The following ZZEF1 variants were observed in gnomAD, a reference collection of about 807,000 sequenced individuals.
ZZEF1 encodes the protein zinc finger ZZ-type and EF-hand domain containing 1.
ZZEF1 carries 157 observed loss-of-function variants against 342.8 expected under a neutral mutation model. The ratio of observed to expected loss-of-function variants is 0.46; its 90% CI spans 0.40 to 0.52. The LOEUF (loss-of-function observed/expected upper bound fraction) is 0.52. ZZEF1 is among the 20% of genes least tolerant of loss of function. The probability of loss-of-function intolerance (pLI) is 0.00; values close to 1 mark genes in which losing one functional copy is unlikely to be tolerated. For synonymous variants in ZZEF1, 1,505 were observed against 1,429.1 expected (o/e 1.05, Z -1.20); for missense variants, 3,480 against 3,725.6 (o/e 0.93, Z 1.72).
rs777200752 is a variant in ZZEF1, at chr17:4,062,799, T to C, written c.4837A>G (p.Ile1613Val). 1.2e-6 allele frequency: 2 copies of C among 1,612,582 alleles called. No individual in the cohort carries two copies. The highest frequency in any genetic ancestry group is 8.5e-7 in the Non-Finnish European group (1 of 1,179,338). ...GQPHCFHPPF[I>V]LFLLELLTCQ... ...GTCAGAAGTTCCAACAGGAAAAGTATGAAAGGTGGATGGAAGCAGTGGGGC... is the reference window on the plus strand; with the variant it reads ...GTCAGAAGTTCCAACAGGAAAAGTACGAAAGGTGGATGGAAGCAGTGGGGC... The change falls in exon 30 of 55, where the codon ATA (isoleucine) becomes GTA (valine). Residue 1613 changes from isoleucine to valine, a missense_variant. Transcript: ENST00000381638.
At chr17:4,025,197 A>C in intron 42 of ZZEF1, 79 bp from the exon 43 acceptor site, 1 of 1,341,500 alleles carries the variant, frequency 7.5e-7, no homozygotes, top group Non-Finnish European at 1.0e-6. Flanking sequence ...TTCTATAGTA[A>C]CATGCCTTAC....
rs375863566 is a variant in ZZEF1 at position 4,019,653 on chromosome 17, C to A, written c.7505+16G>T. On this transcript the variant is annotated intron_variant, in intron 46 of 54. Coordinates refer to ENST00000381638, the MANE Select transcript of ZZEF1 (RefSeq NM_015113.4). ...TCTCCCTGGCCACACTTCAGCTGCA[C>A]GGAAATGTCCCTTACCTCTTCTGAA... The A allele has an allele frequency of 1.2e-6, 2 of 1,606,874 alleles. No individual in the cohort carries two copies. Among genetic ancestry groups the A allele is most frequent in the East Asian group, 2.2e-5 (1 of 44,502 alleles).
In ZZEF1 at chr17:4,032,865, T is replaced by C. The variant is rs1180069307; in HGVS notation, c.6722A>G (p.Asn2241Ser). The change falls in exon 41 of 55, where the codon AAC (asparagine) becomes AGC (serine). Residue 2241 changes from asparagine (N) to serine (S), a missense_variant. Transcript: ENST00000381638. ...KQLPFQLKHT[N>S]IFTLLVLVGF... ...AACCAGCACGAGCAGGGTGAAGATG[T>C]TGGTGTGCTTCAGCTGGAATGGCAG... 5 of 1,614,144 alleles carry C rather than the reference T, an allele frequency of 3.1e-6. No homozygotes were observed. The highest frequency in any genetic ancestry group is 2.2e-5 in the South Asian group (2 of 91,084).
In ZZEF1 at chr17:4,075,151, A is replaced by T; in HGVS notation, c.3429T>A (p.Ala1143=). 1.5e-5 allele frequency: 24 copies of T among 1,614,216 alleles called. No homozygotes were observed. The highest frequency in any genetic ancestry group is 2.0e-5 in the Non-Finnish European group (24 of 1,180,024). The change falls in exon 23 of 55, where the codon GCT becomes GCA. Residue 1143 remains alanine (A), a synonymous_variant. Transcript: ENST00000381638. ...KRYDYLEFTD[A]RGRKTRYDTK... is the part of the protein sequence containing the mutation. ...TGTCATAGCGTGTTTTCCGACCTCTAGCGTCGGTAAATTCCAGATAATCAT... is the reference window on the plus strand; with the variant it reads ...TGTCATAGCGTGTTTTCCGACCTCTTGCGTCGGTAAATTCCAGATAATCAT...
intron 9 of ZZEF1, among the ~76,000 whole-genome samples, chr17:4,098,504 T>C (rs937912468): frequency 3.9e-5 from 6 of 152,358 alleles, no homozygotes; most frequent in Non-Finnish European, 7.3e-5. Context: ...ACTATTTTCC[T>C]TTTTTGATTG....
chr17:4,072,002 G>A (rs768308145), intron 25 of ZZEF1, among the ~76,000 whole-genome samples: 1 of 152,148 alleles, frequency 6.6e-6, no homozygotes, highest in Admixed American at 6.5e-5. Flanking sequence ...GCAGTCAGAT[G>A]TAAGAGAAGA....
chr17:4,009,839 C>A, intron 52 of ZZEF1, 82 bp from the exon 53 acceptor site: 1 of 1,487,586 alleles, frequency 6.7e-7, no homozygotes, highest in Non-Finnish European at 9.1e-7. Flanking sequence ...GGAACCACAG[C>A]TCAGACCCTC....
At chr17:4,024,728 G>A (rs1182869126) in intron 43 of ZZEF1, among the ~76,000 whole-genome samples, 191 bp downstream of exon 43, 1 of 152,216 alleles carries the variant, frequency 6.6e-6, no homozygotes, top group East Asian at 1.9e-4. Flanking sequence ...TGGAAAGACA[G>A]AGAAGCCATC....
intron 11 of ZZEF1, among the ~76,000 whole-genome samples, chr17:4,092,835 A>G (rs1390384502): frequency 6.6e-6 from 1 of 152,144 alleles, no homozygotes; most frequent in Non-Finnish European, 1.5e-5. Context: ...CTTGTTCCCT[A>G]CACTGCACTA....
intron 46 of ZZEF1, among the ~76,000 whole-genome samples, 160 bp from the exon 47 acceptor site, chr17:4,018,131 T>G (rs1597761391): frequency 6.6e-6 from 1 of 152,316 alleles, no homozygotes; most frequent in East Asian, 1.9e-4. Flanking sequence ...CAGCCTTCAC[T>G]TATGCATGGA....
chr17:4,072,566 C>T (rs1416914352), intron 25 of ZZEF1, 42 bp downstream of exon 25: 13 of 1,565,746 alleles, frequency 8.3e-6, no homozygotes, highest in African/African-American at 1.4e-5. Context: ...TACTTGCAGG[C>T]AGTTTCCAGT....
intron 22 of ZZEF1, 42 bp downstream of exon 22, chr17:4,075,221 G>A (rs1419104113): frequency 1.2e-6 from 2 of 1,613,486 alleles, no homozygotes; most frequent in Non-Finnish European, 1.7e-6. Context: ...TCTCATTGCT[G>A]ACCTATTAGC....
intron 5 of ZZEF1, among the ~76,000 whole-genome samples, chr17:4,111,295 T>A (rs550941137): frequency 6.6e-6 from 1 of 152,180 alleles, no homozygotes; most frequent in East Asian, 1.9e-4. Context: ...ATAGTAACAA[T>A]CCCTGGGTAG....
chr17:4,109,878 CA>C lies in ZZEF1; in HGVS notation c.1067-16del. 1.2e-6 allele frequency: 2 copies of C among 1,613,374 alleles called. No individual in the cohort carries two copies. The highest frequency in any genetic ancestry group is 1.7e-6 in the Non-Finnish European group (2 of 1,179,770). On this transcript the variant is annotated splice_polypyrimidine_tract_variant and intron_variant, in intron 5 of 54. Coordinates refer to ENST00000381638, the MANE Select transcript of ZZEF1 (RefSeq NM_015113.4). ...AATCTGGACATCTGTCGAGCACAAACAAAAAATTCAGTATTGGATTAACTTC... is the reference window on the plus strand; with the variant it reads ...AATCTGGACATCTGTCGAGCACAAACAAAAATTCAGTATTGGATTAACTTC...
At chr17:4,079,839 G>T (rs773602265) in intron 18 of ZZEF1, among the ~76,000 whole-genome samples, 1 of 152,220 alleles carries the variant, frequency 6.6e-6, no homozygotes, top group South Asian at 2.1e-4. Context: ...TAAGGCACCC[G>T]CAAAAATGTA....
chr17:4,045,755 C>T (rs1301577500), intron 37 of ZZEF1, among the ~76,000 whole-genome samples: 1 of 152,140 alleles, frequency 6.6e-6, no homozygotes, highest in Non-Finnish European at 1.5e-5. Context: ...CTAAACCTAA[C>T]TAATCACACC....
rs1258791192 is a variant in ZZEF1, at chr17:4,134,332, ATATATATATT to A, written c.354+8200_354+8209del. On this transcript the variant is annotated intron_variant, in intron 1 of 54. Coordinates refer to ENST00000381638, the MANE Select transcript of ZZEF1 (RefSeq NM_015113.4). ...AGACCCTGTCTCAAAAAGAAAAAAT[ATATATATATT>A]TATATATATTTATATATATATATTT... Among the ~76,000 whole-genome samples the A allele has an allele frequency of 2.0e-3, 295 of 143,908 alleles. 1 individual carries two copies. The East Asian group carries it at 0.031, about 15-fold the overall frequency. 94.4% of individuals were successfully genotyped at this position (143,908 alleles called of 152,430 possible).
intron 6 of ZZEF1, 96 bp from the exon 7 acceptor site, chr17:4,105,905 T>C (rs2058204715): frequency 2.1e-6 from 2 of 934,876 alleles, no homozygotes; most frequent in Non-Finnish European, 1.6e-6. Context: ...TAATCCCTTA[T>C]AAACAGACAG....
chr17:4,090,898 A>G (rs1285392110), intron 11 of ZZEF1, 68 bp from the exon 12 acceptor site: 11 of 1,196,104 alleles, frequency 9.2e-6, no homozygotes, highest in South Asian at 3.7e-5. Flanking sequence ...CAAATAAGGT[A>G]TCATCTAAGT....
Sources: allele counts gnomAD v4.1 joint callset (sites outside exome capture counted in the v4.1 genomes callset), GRCh38; gene constraint gnomAD v4.1.1; transcripts MANE v1.5; gene names NCBI Gene and HGNC (gene_info 2026-07-23, HGNC 2026-07-21).